CSMD1: variants seen among roughly 807,000 people sequenced by gnomAD.
CSMD1 encodes CUB and sushi domain-containing protein 1.
In CSMD1, 213 loss-of-function variants were observed where a neutral mutation model predicts 417.5. That is an observed-to-expected ratio of 0.51 (90% CI 0.46 to 0.57). CSMD1 has a LOEUF of 0.57. CSMD1 is among the 20% of genes least tolerant of loss of function. CSMD1 has a pLI of 0.00. For missense variants in CSMD1, 6,923 were observed against 4,529.7 expected (o/e 1.53, Z -15.17); for synonymous variants, 2,862 against 1,736.8 (o/e 1.65, Z -16.11).
intron 5 of CSMD1, among the ~76,000 whole-genome samples, chr8:3,893,724 A>G (rs1428676406): frequency 6.6e-6 from 1 of 152,098 alleles, no homozygotes; most frequent in Non-Finnish European, 1.5e-5. Flanking sequence ...CAGCCATCAC[A>G]ATAAGCATTA....
intron 3 of CSMD1, among the ~76,000 whole-genome samples, chr8:4,230,055 G>A (rs778184007): frequency 6.6e-6 from 1 of 152,118 alleles, no homozygotes; most frequent in Non-Finnish European, 1.5e-5. Context: ...TTACGTGCGT[G>A]CGTGCACTCA....
intron 3 of CSMD1, among the ~76,000 whole-genome samples, chr8:4,261,046 G>A (rs369537273): frequency 1.4e-4 from 21 of 152,066 alleles, no homozygotes; most frequent in African/African-American, 4.6e-4. Flanking sequence ...ATGCTTTAAC[G>A]GTGAATTTAG....
At chr8:4,498,557 G>A (rs368833204) in intron 2 of CSMD1, among the ~76,000 whole-genome samples, 6 of 152,058 alleles carry the variant, frequency 3.9e-5, no homozygotes, top group Non-Finnish European at 5.9e-5. Flanking sequence ...GTCCAGACTC[G>A]TACTGAAACT....
At chr8:4,079,508 C>G (rs1406592724) in intron 3 of CSMD1, among the ~76,000 whole-genome samples, 1 of 152,148 alleles carries the variant, frequency 6.6e-6, no homozygotes, top group East Asian at 1.9e-4. Context: ...CCTATTGAAA[C>G]AATGAAGACA....
chr8:4,473,132 T>C (rs147588933), intron 2 of CSMD1, among the ~76,000 whole-genome samples: 5 of 152,276 alleles, frequency 3.3e-5, no homozygotes, highest in East Asian at 3.9e-4. Flanking sequence ...TACAACCTTA[T>C]AGTAAATTCC....
intron 3 of CSMD1, among the ~76,000 whole-genome samples, chr8:4,228,479 G>A (rs1624063): frequency 0.48 from 72,299 of 151,252 alleles, 18,906 homozygotes; most frequent in Non-Finnish European, 0.6. Context: ...AGCTTCCACT[G>A]TATCCTCCCC....
At chr8:3,984,455 T>A (rs946973980) in intron 5 of CSMD1, among the ~76,000 whole-genome samples, 1 of 152,038 alleles carries the variant, frequency 6.6e-6, no homozygotes, top group African/African-American at 2.4e-5. Flanking sequence ...CACATTGATA[T>A]ATGTTTCTAT....
chr8:3,707,776 C>T (rs944479611), intron 7 of CSMD1, among the ~76,000 whole-genome samples: 2 of 152,166 alleles, frequency 1.3e-5, no homozygotes, highest in African/African-American at 2.4e-5. Flanking sequence ...CACCATGACC[C>T]AGTCCAGGCA....
chr8:4,140,443 AG>A (rs942675833), intron 3 of CSMD1, among the ~76,000 whole-genome samples: 1 of 150,948 alleles, frequency 6.6e-6, no homozygotes, highest in African/African-American at 2.5e-5. Context: ...GGTTGCCGTG[AG>A]CCAAGATCAA....
At chr8:4,175,827 G>C (rs538068367) in intron 3 of CSMD1, among the ~76,000 whole-genome samples, 26 of 152,300 alleles carry the variant, frequency 1.7e-4, no homozygotes, top group South Asian at 4.1e-4. Flanking sequence ...AAAGTATGCA[G>C]AGTGAAAGTA....
At chr8:3,033,482 T>A (rs1315994152) in intron 50 of CSMD1, among the ~76,000 whole-genome samples, 1 of 152,002 alleles carries the variant, frequency 6.6e-6, no homozygotes, top group African/African-American at 2.4e-5. Flanking sequence ...TCACTGAGAA[T>A]GACGGTTAAC....
At chr8:3,769,863 A>G (rs1169158050) in intron 5 of CSMD1, among the ~76,000 whole-genome samples, 1 of 152,198 alleles carries the variant, frequency 6.6e-6, no homozygotes, top group Non-Finnish European at 1.5e-5. Context: ...CTAGAAGAAA[A>G]ACGTATGTGT....
chr8:3,012,769 C>A (rs1808501089), intron 52 of CSMD1, among the ~76,000 whole-genome samples: 1 of 152,100 alleles, frequency 6.6e-6, no homozygotes, highest in South Asian at 2.1e-4. Flanking sequence ...TATACTGATT[C>A]CAAAAGCTCT....
intron 26 of CSMD1, among the ~76,000 whole-genome samples, chr8:3,282,794 G>C (rs1326274195): frequency 6.6e-6 from 1 of 152,146 alleles, no homozygotes. Flanking sequence ...AATTATATTA[G>C]CAACCTTTTA....
At chr8:4,570,520 G>A (rs146841475) in intron 2 of CSMD1, among the ~76,000 whole-genome samples, 6 of 152,168 alleles carry the variant, frequency 3.9e-5, no homozygotes, top group Admixed American at 2.6e-4. Context: ...ATGATGTGCT[G>A]CTGGATTTGA....
chr8:4,970,129 C>G (rs1480653053), intron 1 of CSMD1, among the ~76,000 whole-genome samples: 1 of 149,218 alleles, frequency 6.7e-6, no homozygotes, highest in African/African-American at 2.5e-5. Flanking sequence ...AAATTCTATA[C>G]ACATTTAGAA....
At chr8:3,414,021 C>G (rs1368486424) in intron 12 of CSMD1, among the ~76,000 whole-genome samples, 2 of 151,430 alleles carry the variant, frequency 1.3e-5, no homozygotes, top group Non-Finnish European at 2.9e-5. Flanking sequence ...CGCCTGGAAT[C>G]CCAACTACTG....
At chr8:3,347,164 G>A (rs879404012) in intron 22 of CSMD1, among the ~76,000 whole-genome samples, 3 of 152,252 alleles carry the variant, frequency 2.0e-5, no homozygotes, top group Non-Finnish European at 4.4e-5. Context: ...TGGGCCGCAT[G>A]TGGCCTGTGG....
intron 37 of CSMD1, among the ~76,000 whole-genome samples, chr8:3,175,238 C>A (rs1046150659): frequency 6.6e-6 from 1 of 152,142 alleles, no homozygotes; most frequent in African/African-American, 2.4e-5. Context: ...TTACTCCCAC[C>A]TGGTAAAGAA....
Sources: allele counts gnomAD v4.1 joint callset (sites outside exome capture counted in the v4.1 genomes callset), GRCh38; gene constraint gnomAD v4.1.1; transcripts MANE v1.5; gene names NCBI Gene and HGNC (gene_info 2026-07-23, HGNC 2026-07-21).